The following POLR1B variants were observed in gnomAD, a reference collection of about 807,000 sequenced individuals.
POLR1B encodes DNA-directed RNA polymerase I subunit RPA2.
A neutral mutation model predicts 105.8 loss-of-function variants in POLR1B; 30 were observed. The ratio of observed to expected loss-of-function variants is 0.28; its 90% CI spans 0.21 to 0.38. POLR1B has a LOEUF of 0.38. Among genes scored for constraint, POLR1B ranks in the 10% least tolerant of loss-of-function variants. The pLI is 1.00. For missense variants in POLR1B, 976 were observed against 1,435.8 expected, an observed-to-expected ratio of 0.68 and a Z score of 5.17; for synonymous variants, 485 against 505.1, an observed-to-expected ratio of 0.96 and a Z score of 0.53.
At chr2:112,552,082 A>AAAAACT in intron 6 of POLR1B, 84 bp downstream of exon 6, 1 of 1,100,400 alleles carries the variant, frequency 9.1e-7, no homozygotes, top group East Asian at 2.4e-5. Flanking sequence ...TGGGCGGGCG[A>AAAAACT]GTCATTTGGG....
At chr2:112,567,659 A>G (rs1684360179) in intron 10 of POLR1B, among the ~76,000 whole-genome samples, 1 of 152,168 alleles carries the variant, frequency 6.6e-6, no homozygotes, top group African/African-American at 2.4e-5. Context: ...GATTACAGGT[A>G]TAAGCCACCC....
intron 1 of POLR1B, 161 bp downstream of exon 1, chr2:112,542,832 C>A: frequency 1.2e-6 from 1 of 841,266 alleles, no homozygotes; most frequent in Non-Finnish European, 1.8e-6. Context: ...GCGGTACTGG[C>A]CTTCGTGAGA....
upstream of POLR1B, chr2:112,542,206 C>G (rs1421631166): frequency 2.6e-6 from 4 of 1,535,494 alleles, no homozygotes; most frequent in Admixed American, 2.0e-5. Context: ...TTTCCACCTG[C>G]GGCATCTTTC....
intron 7 of POLR1B, among the ~76,000 whole-genome samples, chr2:112,553,909 A>G (rs1683506956): frequency 6.6e-6 from 1 of 152,202 alleles, no homozygotes; most frequent in Non-Finnish European, 1.5e-5. Context: ...GAAAGTTGGC[A>G]TGGCACAAAA....
intron 14 of POLR1B, 103 bp downstream of exon 14, chr2:112,573,918 C>T: frequency 1.5e-6 from 2 of 1,361,198 alleles, no homozygotes; most frequent in Non-Finnish European, 1.0e-6. Context: ...GTGATCTCAG[C>T]TCACTACAAC....
chr2:112,554,997 A>G lies in POLR1B; in HGVS notation c.1158+2181A>G, dbSNP rs187105993. On this transcript the variant is annotated intron_variant, in intron 7 of 14. Transcript: ENST00000263331. ...GGAGTTCAAGACTAGCCTGGGCAAC[A>G]TTGCAAAACCCTGTCTCTACAAAAA... Among the ~76,000 whole-genome samples, 8 of 152,318 alleles carry G rather than the reference A, an allele frequency of 5.3e-5. No individual in the cohort carries two copies. In the East Asian group the frequency reaches 9.7e-4, roughly 18 times the overall value.
chr2:112,557,766 A>T (rs1574109028), intron 7 of POLR1B, 144 bp from the exon 8 acceptor site: 1 of 111,752 alleles, frequency 8.9e-6, no homozygotes. Context: ...ATTTTTTTGT[A>T]GACAGGGTTT....
intron 12 of POLR1B, among the ~76,000 whole-genome samples, chr2:112,569,644 C>A (rs1286291855): frequency 1.3e-5 from 2 of 151,574 alleles, no homozygotes; most frequent in Non-Finnish European, 2.9e-5. Flanking sequence ...ACTGCAACCT[C>A]TGTCTCCTGG....
intron 14 of POLR1B, 116 bp downstream of exon 14, chr2:112,573,931 C>G: frequency 8.0e-7 from 1 of 1,255,494 alleles, no homozygotes; most frequent in Middle Eastern, 2.5e-4. Context: ...ACTACAACCA[C>G]CACCTCCCGG....
rs1382985969 is a variant in POLR1B at position 112,573,586 on chromosome 2, C to A, written c.2296C>A (p.Arg766=). The A allele has an allele frequency of 6.2e-7, 1 of 1,613,920 alleles. No individual in the cohort carries two copies. The highest frequency in any genetic ancestry group is 1.7e-5 in the Admixed American group (1 of 59,984). The change falls in exon 14 of 15, where the codon CGA becomes AGA. Residue 766 remains arginine (R), a synonymous_variant. Transcript: ENST00000263331. ...AMIVNKASWE[R]GFAHGSVYKS... ...GATTGTGAATAAGGCCTCTTGGGAA[C>A]GAGGCTTTGCCCATGGAAGTGTCTA...
intron 9 of POLR1B, among the ~76,000 whole-genome samples, chr2:112,561,018 T>C (rs1683950747): frequency 6.6e-6 from 1 of 150,936 alleles, no homozygotes; most frequent in Admixed American, 6.6e-5. Flanking sequence ...GGAACCAAGA[T>C]TGCACCACTG....
rs375329816 is a variant in POLR1B at position 112,577,348 on chromosome 2, T to C, written c.*1619T>C. On this transcript the variant is annotated 3_prime_UTR_variant, in exon 15 of 15. Coordinates refer to ENST00000263331, the MANE Select transcript of POLR1B (RefSeq NM_019014.6). The stretch of plus-strand genomic sequence containing the variant: ...TCACTTGTGCCTGGGAGTTCTAGAC[T>C]AGCCTGGGCGAGACTTCATCTCTAC... Among the ~76,000 whole-genome samples, 25 of 152,274 alleles carry C rather than the reference T, an allele frequency of 1.6e-4. No homozygotes were observed. Among genetic ancestry groups the C allele is most frequent in the South Asian group, 1.2e-3 (6 of 4,826 alleles).
intron 2 of POLR1B, 116 bp downstream of exon 2, chr2:112,547,295 C>G (rs1683108707): frequency 6.7e-7 from 1 of 1,482,830 alleles, no homozygotes; most frequent in Non-Finnish European, 9.2e-7. Context: ...CTAAGAGATC[C>G]CACCTTCTAA....
intron 7 of POLR1B, among the ~76,000 whole-genome samples, chr2:112,557,425 G>A (rs1004712610): frequency 6.6e-6 from 1 of 152,174 alleles, no homozygotes; most frequent in Non-Finnish European, 1.5e-5. Context: ...AGTATAATGG[G>A]TGAAGGAGGG....
chr2:112,570,050 C>CT (rs879626750), intron 12 of POLR1B, among the ~76,000 whole-genome samples: 106 of 142,306 alleles, frequency 7.4e-4, no homozygotes, highest in Non-Finnish European at 8.3e-4. Context: ...CAGATTGGAT[C>CT]TTTTTTTTTT....
chr2:112,554,685 C>T (rs1040628568), intron 7 of POLR1B: 1 of 152,022 alleles, frequency 6.6e-6, no homozygotes, highest in Non-Finnish European at 1.5e-5. Context: ...TCATTGTATT[C>T]CACACTTATA....
rs140267768 is a variant in POLR1B at position 112,576,872 on chromosome 2, T to C, written c.*1143T>C. 8 of 152,300 alleles carry C rather than the reference T, an allele frequency of 5.3e-5. No individual in the cohort carries two copies. The highest frequency in any genetic ancestry group is 1.9e-4 in the African/African-American group (8 of 41,560). 9.4% of individuals were successfully genotyped at this position (152,300 alleles called of 1,614,324 possible). A position where few individuals can be genotyped will look rare whatever the true frequency, so the allele number is the denominator to read the frequency against. The stretch of plus-strand genomic sequence containing the variant: ...CACTGTGCCTGGCCTCCGGTGAGTA[T>C]TTTATATTTAGTCTACACTTCCATA... On this transcript the variant is annotated 3_prime_UTR_variant, in exon 15 of 15. Coordinates refer to ENST00000263331, the MANE Select transcript of POLR1B (RefSeq NM_019014.6).
Position 112,559,492 on chromosome 2 carries a change from G to C in POLR1B, c.1530G>C (p.Leu510=). The change falls in exon 9 of 15, where the codon CTG becomes CTC. Residue 510 remains leucine, a synonymous_variant. Transcript: ENST00000263331. ...VHTPDGEPCG[L]MNHLTAVCEV... ...CCCCAGACGGGGAGCCCTGTGGCCTGATGAACCACCTAACTGCCGTATGTG... is the reference window on the plus strand; with the variant it reads ...CCCCAGACGGGGAGCCCTGTGGCCTCATGAACCACCTAACTGCCGTATGTG... The C allele has an allele frequency of 1.2e-6, 2 of 1,614,210 alleles. No homozygotes were observed. Among genetic ancestry groups the C allele is most frequent in the Non-Finnish European group, 1.7e-6 (2 of 1,180,036 alleles).
At chr2:112,550,336 C>A (rs1489854538) in intron 4 of POLR1B, among the ~76,000 whole-genome samples, 2 of 152,190 alleles carry the variant, frequency 1.3e-5, no homozygotes, top group Admixed American at 1.3e-4. Context: ...CTTGAGCAAC[C>A]CTGACAGTTA....
Sources: gnomAD v4.1 joint callset for allele counts (sites outside exome capture counted in the v4.1 genomes callset) on GRCh38, gnomAD v4.1.1 for gene constraint, MANE v1.5 for transcripts, NCBI Gene and HGNC (gene_info 2026-07-23, HGNC 2026-07-21) for gene names.